Variants in COPG2 observed in about 807,000 individuals in gnomAD.
COPG2 encodes coatomer subunit gamma-2.
Under a neutral mutation model 46.3 loss-of-function variants are expected in COPG2, and 37 were observed. The observed-to-expected ratio is 0.80, with a 90% confidence interval of 0.61 to 1.05. The LOEUF (loss-of-function observed/expected upper bound fraction) is 1.05. COPG2 is among the 50% of genes least tolerant of loss of function. The probability of loss-of-function intolerance (pLI) is 0.00; values close to 1 mark genes in which losing one functional copy is unlikely to be tolerated. For missense variants in COPG2, 427 were observed against 387.8 expected (o/e 1.10, Z -0.85); for synonymous variants, 159 against 129.7 (o/e 1.23, Z -1.53).
intron 5 of COPG2, among the ~76,000 whole-genome samples, chr7:130,640,449 A>T (rs1554457040): frequency 6.9e-6 from 1 of 145,296 alleles, no homozygotes; most frequent in East Asian, 1.9e-4. Context: ...TATTATTATT[A>T]TTTATTATTT....
At chr7:130,665,167 G>A (rs111383926) in intron 3 of COPG2, among the ~76,000 whole-genome samples, 8,605 of 152,158 alleles carry the variant, frequency 0.057, 477 homozygotes, top group African/African-American at 0.14. Flanking sequence ...GTAACAGAGC[G>A]AGACTCCATC....
chr7:130,626,417 T>A (rs1465863982), intron 5 of COPG2, among the ~76,000 whole-genome samples: 3 of 148,074 alleles, frequency 2.0e-5, no homozygotes, highest in African/African-American at 7.7e-5. Flanking sequence ...TTTTTTTTTT[T>A]TTTTCTATTT....
chr7:130,664,163 C>A (rs1796030763), intron 3 of COPG2, among the ~76,000 whole-genome samples: 2 of 152,136 alleles, frequency 1.3e-5, no homozygotes, highest in Non-Finnish European at 2.9e-5. Context: ...TCAAATATTA[C>A]CATTTCAATA....
chr7:130,547,515 AAT>A (rs1793463619), intron 20 of COPG2, 157 bp downstream of exon 20: 1 of 396,052 alleles, frequency 2.5e-6, no homozygotes, highest in Non-Finnish European at 4.4e-6. Context: ...CCATTTTATA[AAT>A]ATATATATTC....
chr7:130,571,172 G>A (rs533882713), intron 9 of COPG2, among the ~76,000 whole-genome samples: 4 of 152,192 alleles, frequency 2.6e-5, no homozygotes, highest in African/African-American at 7.2e-5. Context: ...AAGCAAATGC[G>A]AGAAAAGCAA....
intron 8 of COPG2, 90 bp from the exon 9 acceptor site, chr7:130,611,200 G>T: frequency 8.1e-7 from 1 of 1,232,142 alleles, no homozygotes; most frequent in Non-Finnish European, 1.1e-6. Context: ...CTAGATTAAA[G>T]ATTTCTTTAA....
At chr7:130,565,251 A>G (rs1793784647) in intron 9 of COPG2, among the ~76,000 whole-genome samples, 1 of 152,206 alleles carries the variant, frequency 6.6e-6, no homozygotes, top group Non-Finnish European at 1.5e-5. Flanking sequence ...AGCACGCCCC[A>G]ACATACACAG....
At chr7:130,637,362 A>G (rs1224610392) in intron 5 of COPG2, among the ~76,000 whole-genome samples, 6 of 152,166 alleles carry the variant, frequency 3.9e-5, no homozygotes, top group African/African-American at 1.2e-4. Context: ...AGGTACGCCA[A>G]TCAAACGTAG....
chr7:130,549,217 T>C (rs1419604826), intron 18 of COPG2, 97 bp downstream of exon 18: 17 of 397,610 alleles, frequency 4.3e-5, no homozygotes, highest in Middle Eastern at 6.2e-4. Context: ...AGATTTCCTA[T>C]ATTGAGAACC....
chr7:130,645,745 C>CAG (rs1554458089), intron 5 of COPG2, among the ~76,000 whole-genome samples: 1 of 53,378 alleles, frequency 1.9e-5, no homozygotes. Flanking sequence ...GACAAATGAA[C>CAG]AGACACTGTC....
At chr7:130,585,292 C>T (rs554609527) in intron 9 of COPG2, among the ~76,000 whole-genome samples, 151 of 152,148 alleles carry the variant, frequency 9.9e-4, no homozygotes, top group African/African-American at 3.2e-3. Context: ...GGATCCTCAT[C>T]GCTTACCTTA....
At chr7:130,513,341 A>ATATATGTG (rs1215646008) in intron 20 of COPG2, among the ~76,000 whole-genome samples, 18 of 51,538 alleles carry the variant, frequency 3.5e-4, no homozygotes, top group Non-Finnish European at 6.3e-4. Flanking sequence ...ATATATATAT[A>ATATATGTG]TGTGTGTGTG....
intron 5 of COPG2, among the ~76,000 whole-genome samples, chr7:130,624,420 T>C (rs1476839618): frequency 6.6e-6 from 1 of 152,182 alleles, no homozygotes; most frequent in Non-Finnish European, 1.5e-5. Context: ...TGATTTTTTT[T>C]ACTTTTTTAT....
chr7:130,631,238 C>T (rs982320364), intron 5 of COPG2, among the ~76,000 whole-genome samples: 1 of 138,000 alleles, frequency 7.2e-6, no homozygotes, highest in East Asian at 2.2e-4. Flanking sequence ...GTGGCATCAT[C>T]TGGGCTCACT....
At chr7:130,573,698 T>C (rs1793951612) in intron 9 of COPG2, among the ~76,000 whole-genome samples, 1 of 152,068 alleles carries the variant, frequency 6.6e-6, no homozygotes, top group East Asian at 1.9e-4. Context: ...AAAAGTCAAT[T>C]GACAAAATCT....
At chr7:130,621,669 A>T (rs1386659769) in intron 5 of COPG2, among the ~76,000 whole-genome samples, 3 of 151,786 alleles carry the variant, frequency 2.0e-5, no homozygotes, top group African/African-American at 7.3e-5. Context: ...AACTGGCCAG[A>T]CGCGGTGGCT....
chr7:130,636,626 G>A (rs575798155), intron 5 of COPG2, among the ~76,000 whole-genome samples: 1 of 143,816 alleles, frequency 7.0e-6, no homozygotes, highest in South Asian at 2.3e-4. Context: ...CTCTGCATGT[G>A]AGATCAGTCT....
chr7:130,657,394 ATGGATC>A (rs1206183947), intron 4 of COPG2, among the ~76,000 whole-genome samples: 50 of 152,300 alleles, frequency 3.3e-4, no homozygotes, highest in Admixed American at 6.5e-5. Flanking sequence ...TCAATATGAA[ATGGATC>A]ATAAGGTAAT....
intron 5 of COPG2, among the ~76,000 whole-genome samples, chr7:130,631,531 C>A (rs1795231565): frequency 6.6e-6 from 1 of 152,020 alleles, no homozygotes; most frequent in Non-Finnish European, 1.5e-5. Context: ...CTATTTAACT[C>A]TTTTGTTGGC....
Sources: gnomAD v4.1 joint callset for allele counts (sites outside exome capture counted in the v4.1 genomes callset) on GRCh38, gnomAD v4.1.1 for gene constraint, MANE v1.5 for transcripts, NCBI Gene and HGNC (gene_info 2026-07-23, HGNC 2026-07-21) for gene names.